The following SPEF2 variants were observed in gnomAD, a reference collection of about 807,000 sequenced individuals.
SPEF2 encodes sperm flagella and cilia-associated protein 2.
SPEF2 carries 187 observed loss-of-function variants against 224.6 expected under a neutral mutation model. That is an observed-to-expected ratio of 0.83 (90% CI 0.74 to 0.94). The LOEUF is 0.94. Ranked by LOEUF, SPEF2 falls within the 40% of genes least tolerant of loss-of-function variation. The pLI is 0.00. For missense variants in SPEF2, 2,170 were observed against 2,135.6 expected, an observed-to-expected ratio of 1.02 and a Z score of -0.32; for synonymous variants, 715 against 707.3, an observed-to-expected ratio of 1.01 and a Z score of -0.17.
chr5:35,709,042 T>A lies in SPEF2; in HGVS notation c.2760T>A (p.Pro920=), dbSNP rs775316393. Reference sequence around the variant, plus strand: ...CTACACCTCCTCCTGCTCCTCCTCCTGAACCAGAAAAAGAGAAGGAAATTC... The same window carrying A: ...CTACACCTCCTCCTGCTCCTCCTCCAGAACCAGAAAAAGAGAAGGAAATTC... The part of the protein sequence containing the change: ...PLPTPPPAPP[P]EPEKEKEIHQ... The change falls in exon 19 of 37, where the codon CCT becomes CCA. Residue 920 remains proline (P), a synonymous_variant. Coordinates refer to ENST00000356031, the MANE Select transcript of SPEF2 (RefSeq NM_024867.4). 1 of 1,613,884 alleles carries A rather than the reference T, an allele frequency of 6.2e-7. No homozygotes were observed. The highest frequency in any genetic ancestry group is 1.1e-5 in the South Asian group (1 of 91,004).
At chr5:35,640,451 T>C (rs1053792656) in intron 2 of SPEF2, among the ~76,000 whole-genome samples, 4 of 152,214 alleles carry the variant, frequency 2.6e-5, no homozygotes, top group Admixed American at 2.6e-4. Flanking sequence ...TTTGACTATC[T>C]TCTTTCACAA....
intron 10 of SPEF2, among the ~76,000 whole-genome samples, chr5:35,685,203 C>A (rs1753415456): frequency 6.6e-6 from 1 of 152,032 alleles, no homozygotes; most frequent in Admixed American, 6.6e-5. Context: ...TATTTATATA[C>A]TAAATACACT....
At chr5:35,805,008 C>T (rs572667670) in intron 34 of SPEF2, among the ~76,000 whole-genome samples, 2 of 152,274 alleles carry the variant, frequency 1.3e-5, no homozygotes, top group South Asian at 4.1e-4. Context: ...TTTCATTGCC[C>T]TGGAAGATTA....
intron 18 of SPEF2, among the ~76,000 whole-genome samples, chr5:35,708,614 C>T (rs1221152148): frequency 8.3e-3 from 14 of 1,686 alleles, no homozygotes; most frequent in East Asian, 0.05. Flanking sequence ...GACTTCACCA[C>T]CTCTACCTCC....
chr5:35,765,639 A>T (rs1751988690), intron 26 of SPEF2, among the ~76,000 whole-genome samples: 1 of 152,148 alleles, frequency 6.6e-6, no homozygotes, highest in South Asian at 2.1e-4. Flanking sequence ...CCACACCAAT[A>T]TACCATTTAT....
At chr5:35,622,412 T>C (rs1277499954) in intron 1 of SPEF2, among the ~76,000 whole-genome samples, 1 of 152,226 alleles carries the variant, frequency 6.6e-6, no homozygotes, top group Non-Finnish European at 1.5e-5. Flanking sequence ...TCATAACGTA[T>C]TGTGGTAACC....
At chr5:35,803,924 C>T (rs945774365) in intron 34 of SPEF2, among the ~76,000 whole-genome samples, 1 of 152,218 alleles carries the variant, frequency 6.6e-6, no homozygotes, top group African/African-American at 2.4e-5. Flanking sequence ...TTAAAAGAAA[C>T]TTAAAAGCGA....
intron 10 of SPEF2, chr5:35,676,137 A>G (rs1751966757): frequency 2.5e-6 from 1 of 408,160 alleles, no homozygotes; most frequent in Non-Finnish European, 4.9e-6. Context: ...AGCCAAAGAG[A>G]GGAGTCCTGG....
At position 35,621,989 on chromosome 5, in the gene SPEF2, AAT is replaced by A. The variant is rs1236386343; in HGVS notation, c.58+3936_58+3937del. On this transcript the variant is annotated intron_variant, in intron 1 of 36. Transcript: ENST00000356031. ...TACTACCAAAAGCTTCTGAAATTAC[AAT>A]AGTTGTGAATTATTCTACTGTTAAG... Among the ~76,000 whole-genome samples the A allele has an allele frequency of 1.3e-5, 2 of 152,198 alleles. 1 individual carries two copies.
At chr5:35,764,462 C>A in intron 26 of SPEF2, 1 of 410,408 alleles carries the variant, frequency 2.4e-6, no homozygotes, top group Non-Finnish European at 4.9e-6. Flanking sequence ...AACTTTAATC[C>A]AAGCAGAAGT....
At chr5:35,638,841 A>G (rs1363165150) in intron 2 of SPEF2, among the ~76,000 whole-genome samples, 2 of 152,132 alleles carry the variant, frequency 1.3e-5, no homozygotes, top group African/African-American at 4.8e-5. Flanking sequence ...GGCTCATAAT[A>G]TTGTTTCCAA....
At chr5:35,791,919 G>A (rs1756015078) in intron 30 of SPEF2, among the ~76,000 whole-genome samples, 1 of 152,058 alleles carries the variant, frequency 6.6e-6, no homozygotes, top group Admixed American at 6.6e-5. Context: ...TTGTAGTGGT[G>A]ATCTGCATGC....
chr5:35,802,312 G>GGTT (rs1757529648), intron 34 of SPEF2, among the ~76,000 whole-genome samples: 1 of 152,142 alleles, frequency 6.6e-6, no homozygotes, highest in South Asian at 2.1e-4. Context: ...GCAAGGCCCA[G>GGTT]GTTATAACCA....
intron 23 of SPEF2, among the ~76,000 whole-genome samples, chr5:35,751,022 TACGTATATATATACAC>T (rs1749383813): frequency 2.0e-5 from 2 of 100,516 alleles, no homozygotes; most frequent in African/African-American, 3.9e-5. Context: ...CGTATATATA[TACGTATATATATACAC>T]ATATGTATAT....
intron 10 of SPEF2, among the ~76,000 whole-genome samples, chr5:35,686,352 T>C (rs1753621025): frequency 6.6e-6 from 1 of 152,106 alleles, no homozygotes; most frequent in South Asian, 2.1e-4. Context: ...ATTCTTTGTC[T>C]TTGATAGAGT....
intron 30 of SPEF2, chr5:35,791,634 G>A (rs1338156448): frequency 6.6e-6 from 1 of 151,938 alleles, no homozygotes; most frequent in African/African-American, 2.4e-5. Flanking sequence ...CATTTATTTT[G>A]TTTTCTTATT....
intron 10 of SPEF2, among the ~76,000 whole-genome samples, chr5:35,673,907 C>T (rs997514251): frequency 1.3e-5 from 2 of 152,082 alleles, no homozygotes; most frequent in African/African-American, 4.8e-5. Context: ...TTTACAATGA[C>T]CTTTATTACC....
intron 7 of SPEF2, among the ~76,000 whole-genome samples, chr5:35,656,666 G>A (rs1438104744): frequency 6.6e-6 from 1 of 152,148 alleles, no homozygotes; most frequent in Non-Finnish European, 1.5e-5. Context: ...CTGGAAAATG[G>A]AATAAATGAA....
At position 35,753,523 on chromosome 5, in the gene SPEF2, G is replaced by C. The variant is rs554583779; in HGVS notation, c.3331-101G>C. The C allele has an allele frequency of 1.1e-4, 164 of 1,514,622 alleles. No homozygotes were observed. In the South Asian group the frequency reaches 1.9e-3, roughly 17 times the overall value. The allele number at this position is 1,514,622 out of a possible 1,614,324, so 93.8% of individuals were successfully genotyped here. On this transcript the variant is annotated intron_variant, in intron 23 of 36. Transcript: ENST00000356031. ...GTGCAATTGGTGTAAAATTTCTTTA[G>C]AGACATTTTTAAGAGAGGCAAAGGA...
Sources: gnomAD v4.1 joint callset for allele counts (sites outside exome capture counted in the v4.1 genomes callset) on GRCh38, gnomAD v4.1.1 for gene constraint, MANE v1.5 for transcripts, NCBI Gene and HGNC (gene_info 2026-07-23, HGNC 2026-07-21) for gene names.